Variants in EPB41L4B observed in about 807,000 individuals in gnomAD.
The protein encoded by EPB41L4B is erythrocyte membrane protein band 4.1 like 4B, also known as band 4.1-like protein 4B.
In EPB41L4B, 30 loss-of-function variants were observed where a neutral mutation model predicts 112.5. That is an observed-to-expected ratio of 0.27 (90% CI 0.20 to 0.36). EPB41L4B has a LOEUF of 0.36. Ranked by LOEUF, EPB41L4B falls within the 10% of genes least tolerant of loss-of-function variation. EPB41L4B has a pLI of 1.00. For synonymous variants in EPB41L4B, 408 were observed against 439.7 expected (o/e 0.93, Z 0.90); for missense variants, 1,024 against 1,133.3 (o/e 0.90, Z 1.38).
At chr9:109,209,644 C>A (rs1250093753) in intron 17 of EPB41L4B, among the ~76,000 whole-genome samples, 1 of 119,790 alleles carries the variant, frequency 8.3e-6, no homozygotes, top group African/African-American at 2.7e-5. Flanking sequence ...AAAACCCTGT[C>A]TCAAAAAAAA....
chr9:109,268,415 T>G lies in EPB41L4B; in HGVS notation c.430A>C (p.Lys144Gln). Residue 144 changes from lysine to glutamine, a missense_variant, in exon 3 of 26, where the codon AAA becomes CAA. Lys to Gln is a moderately conservative substitution (Grantham distance 53). Coordinates refer to ENST00000374566, the MANE Select transcript of EPB41L4B (RefSeq NM_019114.5). Reference sequence around the variant, plus strand: ...CTTTTCATCTGCTTTTTTATGGGTTTGGCATGATCCAGCCAGTGCTGAAAG... The same window carrying G: ...CTTTTCATCTGCTTTTTTATGGGTTGGGCATGATCCAGCCAGTGCTGAAAG... ...AQVAHWLDHA[K>Q]PIKKQMKIGP... 1.2e-6 allele frequency: 2 copies of G among 1,610,492 alleles called. No homozygotes were observed. Among genetic ancestry groups the G allele is most frequent in the Non-Finnish European group, 1.7e-6 (2 of 1,179,288 alleles).
At chr9:109,307,096 G>C (rs1837236597) in intron 1 of EPB41L4B, 2 of 228,576 alleles carry the variant, frequency 8.7e-6, no homozygotes, top group Admixed American at 5.0e-5. Flanking sequence ...GGATGCAACT[G>C]TAACTATCTG....
intron 15 of EPB41L4B, chr9:109,240,162 G>C (rs1035725581): frequency 7.5e-5 from 74 of 984,896 alleles, no homozygotes; most frequent in Non-Finnish European, 8.7e-5. Flanking sequence ...CAAAAAAAAA[G>C]CAAGAATAAT....
intron 24 of EPB41L4B, among the ~76,000 whole-genome samples, chr9:109,179,273 G>A (rs778473072): frequency 3.3e-5 from 5 of 152,172 alleles, no homozygotes; most frequent in Non-Finnish European, 4.4e-5. Flanking sequence ...ATGCTAGATC[G>A]ACTGCCAGAC....
chr9:109,251,546 G>C, intron 12 of EPB41L4B, 35 bp from the exon 13 acceptor site: 2 of 1,602,974 alleles, frequency 1.2e-6, no homozygotes, highest in African/African-American at 1.3e-5. Context: ...TGACATCTTA[G>C]AGAACTTTAT....
At chr9:109,251,605 T>C (rs2119008769) in intron 12 of EPB41L4B, 94 bp from the exon 13 acceptor site, 3 of 1,162,792 alleles carry the variant, frequency 2.6e-6, no homozygotes, top group Non-Finnish European at 3.9e-6. Context: ...ACTTCTACCA[T>C]CACAGAGCCT....
At chr9:109,185,661 G>A in intron 22 of EPB41L4B, 56 bp from the exon 23 acceptor site, 1 of 1,358,008 alleles carries the variant, frequency 7.4e-7, no homozygotes. Context: ...AAGGGGAGGA[G>A]GAAGAGGAGG....
intron 20 of EPB41L4B, 80 bp downstream of exon 20, chr9:109,200,156 G>A (rs1832772443): frequency 8.2e-7 from 1 of 1,226,572 alleles, no homozygotes. Flanking sequence ...GGACTAGTCA[G>A]AAGGGCTAAG....
intron 1 of EPB41L4B, among the ~76,000 whole-genome samples, chr9:109,292,761 C>G (rs1836580419): frequency 6.6e-6 from 1 of 152,220 alleles, no homozygotes; most frequent in South Asian, 2.1e-4. Flanking sequence ...TCCCTTGAAT[C>G]TGGAAGAGCC....
intron 2 of EPB41L4B, among the ~76,000 whole-genome samples, chr9:109,276,315 G>GC (rs1588199707): frequency 6.6e-6 from 1 of 151,670 alleles, no homozygotes; most frequent in African/African-American, 2.4e-5. Context: ...GGGTGAGGGG[G>GC]GGGTCATCTG....
At chr9:109,212,843 C>G (rs752488061) in intron 17 of EPB41L4B, among the ~76,000 whole-genome samples, 6 of 152,188 alleles carry the variant, frequency 3.9e-5, no homozygotes, top group Admixed American at 1.3e-4. Context: ...GATGGGGGTC[C>G]CTAGTGGCAT....
intron 1 of EPB41L4B, among the ~76,000 whole-genome samples, chr9:109,312,283 G>A (rs1837440022): frequency 6.6e-6 from 1 of 152,216 alleles, no homozygotes; most frequent in African/African-American, 2.4e-5. Flanking sequence ...TTTTCTTTGA[G>A]ATAATTTTAA....
intron 15 of EPB41L4B, among the ~76,000 whole-genome samples, chr9:109,229,178 TTTC>T (rs1171873275): frequency 6.6e-6 from 1 of 152,228 alleles, no homozygotes; most frequent in Non-Finnish European, 1.5e-5. Flanking sequence ...ATGTCAGGGT[TTTC>T]TTCTTCCATG....
rs903480289 is a variant in EPB41L4B, at chr9:109,240,241, T to C, written c.1409+3377A>G. The C allele has an allele frequency of 1.1e-5, 11 of 985,324 alleles. No individual in the cohort carries two copies. In the African/African-American group the frequency reaches 1.6e-4, roughly 14 times the overall value. 61.0% of individuals were successfully genotyped at this position (985,324 alleles called of 1,614,324 possible). A position where few individuals can be genotyped will look rare whatever the true frequency, so the allele number is the denominator to read the frequency against. On this transcript the variant is annotated intron_variant, in intron 15 of 25. Coordinates refer to ENST00000374566, the MANE Select transcript of EPB41L4B (RefSeq NM_019114.5). ...ATGAAAAGATTCAGAACACATTTAT[T>C]TGTATGCAGCACATACACTGAGCAT...
intron 17 of EPB41L4B, among the ~76,000 whole-genome samples, chr9:109,211,717 T>C (rs1833182108): frequency 1.1e-5 from 1 of 87,988 alleles, no homozygotes; most frequent in Non-Finnish European, 2.0e-5. Flanking sequence ...GTATTTCTTT[T>C]CTTTTTTTTT....
At chr9:109,277,358 T>C (rs1161844744) in intron 2 of EPB41L4B, among the ~76,000 whole-genome samples, 1 of 142,132 alleles carries the variant, frequency 7.0e-6, no homozygotes, top group East Asian at 2.0e-4. Flanking sequence ...ATCGGAAGTG[T>C]AGGGGAAGAA....
chr9:109,225,352 A>T (rs1162033829), intron 15 of EPB41L4B, among the ~76,000 whole-genome samples: 2 of 152,246 alleles, frequency 1.3e-5, no homozygotes, highest in African/African-American at 4.8e-5. Flanking sequence ...GCTGGTAAAG[A>T]CATACCCGAG....
At chr9:109,285,436 G>T (rs574001687) in intron 1 of EPB41L4B, among the ~76,000 whole-genome samples, 1 of 152,268 alleles carries the variant, frequency 6.6e-6, no homozygotes, top group East Asian at 1.9e-4. Context: ...TGGGGGATAG[G>T]TATCATCTTT....
At chr9:109,280,190 T>C (rs977167056) in intron 1 of EPB41L4B, among the ~76,000 whole-genome samples, 37 of 152,318 alleles carry the variant, frequency 2.4e-4, no homozygotes, top group Admixed American at 1.2e-3. Flanking sequence ...TTTGGATGAA[T>C]ACCTACATGG....
Sources: allele counts gnomAD v4.1 joint callset (sites outside exome capture counted in the v4.1 genomes callset), GRCh38; gene constraint gnomAD v4.1.1; transcripts MANE v1.5; gene names NCBI Gene and HGNC (gene_info 2026-07-23, HGNC 2026-07-21).